Variants in ATXN1 observed in about 807,000 individuals in gnomAD.
ATXN1 encodes ataxin-1.
A neutral mutation model predicts 56.4 loss-of-function variants in ATXN1; 8 were observed. That is an observed-to-expected ratio of 0.14 (90% CI 0.08 to 0.26). ATXN1 has a LOEUF of 0.26. Ranked by LOEUF, ATXN1 falls within the 10% of genes least tolerant of loss-of-function variation. ATXN1 has a pLI of 1.00. For synonymous variants in ATXN1, 514 were observed against 494.6 expected, an observed-to-expected ratio of 1.04 and a Z score of -0.52; for missense variants, 987 against 1,106.5, an observed-to-expected ratio of 0.89 and a Z score of 1.53.
intron 6 of ATXN1, among the ~76,000 whole-genome samples, chr6:16,483,415 G>A (rs1249210771): frequency 6.6e-6 from 1 of 152,172 alleles, no homozygotes; most frequent in Non-Finnish European, 1.5e-5. Flanking sequence ...CCATGGCACA[G>A]GCTTTGGGGC....
chr6:16,441,145 G>A (rs992355644), intron 6 of ATXN1, among the ~76,000 whole-genome samples: 1 of 152,136 alleles, frequency 6.6e-6, no homozygotes, highest in African/African-American at 2.4e-5. Context: ...AGGTGTTACG[G>A]AGCCAGGGCA....
At chr6:16,694,939 G>A (rs574494304) in intron 2 of ATXN1, among the ~76,000 whole-genome samples, 4 of 152,290 alleles carry the variant, frequency 2.6e-5, no homozygotes, top group South Asian at 4.2e-4. Flanking sequence ...TTCAGTAAGT[G>A]ATTTCACTTC....
intron 3 of ATXN1, among the ~76,000 whole-genome samples, chr6:16,594,182 G>A (rs1307554443): frequency 2.0e-5 from 3 of 148,072 alleles, no homozygotes; most frequent in South Asian, 2.1e-4. Context: ...GTCTGTTGAC[G>A]ACCTTTAAAA....
At chr6:16,377,019 A>G (rs1762153673) in intron 6 of ATXN1, among the ~76,000 whole-genome samples, 2 of 152,306 alleles carry the variant, frequency 1.3e-5, no homozygotes, top group African/African-American at 2.4e-5. Context: ...ACTTCCATCA[A>G]TTTACTTTCA....
rs142311437 is a variant in ATXN1, at chr6:16,671,305, C to CT, written c.-614-13405dup. Among the ~76,000 whole-genome samples the CT allele has an allele frequency of 2.6e-3, 188 of 73,466 alleles. 3 individuals carry two copies. The highest frequency in any genetic ancestry group is 0.011 in the African/African-American group (144 of 12,848). The allele number at this position is 73,466 out of a possible 152,430, so 48.2% of individuals were successfully genotyped here. A position where few individuals can be genotyped will look rare whatever the true frequency, so the allele number is the denominator to read the frequency against. On this transcript the variant is annotated intron_variant, in intron 2 of 7. Transcript: ENST00000436367. ...TGTACACAATTGGCACTTTTCTTTT[C>CT]TTTCTTTTTTTTTTTTTTTGCAGTA...
intron 6 of ATXN1, among the ~76,000 whole-genome samples, chr6:16,335,977 C>T (rs1761114475): frequency 6.6e-6 from 1 of 152,222 alleles, no homozygotes; most frequent in Non-Finnish European, 1.5e-5. Flanking sequence ...TTAGAGAATA[C>T]TTTTCTGTTG....
At chr6:16,718,867 T>C (rs180975839) in intron 2 of ATXN1, among the ~76,000 whole-genome samples, 2 of 152,308 alleles carry the variant, frequency 1.3e-5, no homozygotes, top group African/African-American at 4.8e-5. Flanking sequence ...GTTCATAGGT[T>C]TTTACTGGGA....
intron 4 of ATXN1, 108 bp downstream of exon 4, chr6:16,585,672 G>T (rs1367160325): frequency 6.6e-6 from 1 of 152,122 alleles, no homozygotes; most frequent in Non-Finnish European, 1.5e-5. Context: ...TGTGTATGTT[G>T]TGTGTGTATG....
At chr6:16,677,944 A>C (rs1055891203) in intron 2 of ATXN1, among the ~76,000 whole-genome samples, 3 of 152,246 alleles carry the variant, frequency 2.0e-5, no homozygotes, top group African/African-American at 7.2e-5. Context: ...GGTGCACTCG[A>C]ATGAGATTTT....
rs1446625395 is a variant in ATXN1 at position 16,300,425 on chromosome 6, G to A, written c.*5904C>T. Reference sequence around the variant, plus strand: ...AGTTGCCTTCAACGAGAAGGGAGGGGACGAGATTCTGAATTTAAGAATTGT... The same window carrying A: ...AGTTGCCTTCAACGAGAAGGGAGGGAACGAGATTCTGAATTTAAGAATTGT... On this transcript the variant is annotated 3_prime_UTR_variant, in exon 8 of 8. Transcript: ENST00000436367. 6.6e-6 allele frequency: 1 copy of A among 152,290 alleles called. No individual in the cohort carries two copies. The highest frequency in any genetic ancestry group is 1.5e-5 in the Non-Finnish European group (1 of 68,044). The allele number at this position is 152,290 out of a possible 1,614,324, so 9.4% of individuals were successfully genotyped here.
intron 5 of ATXN1, among the ~76,000 whole-genome samples, chr6:16,515,053 C>T (rs980375437): frequency 1.3e-5 from 2 of 151,860 alleles, no homozygotes; most frequent in South Asian, 4.2e-4. Flanking sequence ...CTTCGGTAGC[C>T]ACCTAGGCTC....
chr6:16,369,000 A>C (rs1302224910), intron 6 of ATXN1, among the ~76,000 whole-genome samples: 1 of 152,224 alleles, frequency 6.6e-6, no homozygotes, highest in South Asian at 2.1e-4. Flanking sequence ...CACTCTCTGA[A>C]ACTAATGGAT....
Position 16,390,087 on chromosome 6 carries a change from T to C in ATXN1, c.-160-61617A>G, listed in dbSNP as rs74864976. ...TGTTCAAGGTGACATAAAAAGTATCTGTAATGTCTGGCTAACACGAGCTTC... is the reference window on the plus strand; with the variant it reads ...TGTTCAAGGTGACATAAAAAGTATCCGTAATGTCTGGCTAACACGAGCTTC... On this transcript the variant is annotated intron_variant, in intron 6 of 7. Transcript: ENST00000436367. Among the ~76,000 whole-genome samples, 918 of 152,310 alleles carry C rather than the reference T, an allele frequency of 6.0e-3. 8 individuals are homozygous for C. Among genetic ancestry groups the C allele is most frequent in the African/African-American group, 0.021 (866 of 41,554 alleles).
At chr6:16,696,334 G>A (rs1311863111) in intron 2 of ATXN1, among the ~76,000 whole-genome samples, 3 of 152,206 alleles carry the variant, frequency 2.0e-5, no homozygotes, top group Admixed American at 1.3e-4. Flanking sequence ...GAAGAATTAT[G>A]AGCTTTTGAG....
chr6:16,583,229 G>A (rs1275445702), intron 4 of ATXN1, among the ~76,000 whole-genome samples: 1 of 152,126 alleles, frequency 6.6e-6, no homozygotes, highest in African/African-American at 2.4e-5. Context: ...AGAAATTAGG[G>A]CCAAAACGAA....
At chr6:16,396,078 G>T (rs1373630941) in intron 6 of ATXN1, among the ~76,000 whole-genome samples, 1 of 150,704 alleles carries the variant, frequency 6.6e-6, no homozygotes. Context: ...GGTCCCTCTG[G>T]AGGTGTTCAA....
intron 4 of ATXN1, among the ~76,000 whole-genome samples, chr6:16,577,344 T>C (rs1762442481): frequency 6.6e-6 from 1 of 151,938 alleles, no homozygotes; most frequent in Non-Finnish European, 1.5e-5. Context: ...GCCAACATAG[T>C]GAAACCCCAT....
chr6:16,570,800 T>C (rs1170368216), intron 4 of ATXN1, among the ~76,000 whole-genome samples: 2 of 152,212 alleles, frequency 1.3e-5, no homozygotes, highest in East Asian at 3.8e-4. Flanking sequence ...AGTTAAGATG[T>C]AATTTGAAAT....
In ATXN1 at chr6:16,731,454, CTTTTT is replaced by C. The variant is rs71559655; in HGVS notation, c.-615+21774_-615+21778del. On this transcript the variant is annotated intron_variant, in intron 2 of 7. Coordinates refer to ENST00000436367, the MANE Select transcript of ATXN1 (RefSeq NM_001128164.2). ...ACGAGAGAGGCTTTTTTTTTCTTTT[CTTTTT>C]TTTTTTTTTTTTTTTTTTTTTTTTA... 2.5e-3 allele frequency among the ~76,000 whole-genome samples: 206 copies of C among 81,768 alleles called. 1 individual carries two copies. The highest frequency in any genetic ancestry group is 3.7e-3 in the Non-Finnish European group (147 of 40,266). 53.6% of individuals were successfully genotyped at this position (81,768 alleles called of 152,430 possible).
Sources: allele counts gnomAD v4.1 joint callset (sites outside exome capture counted in the v4.1 genomes callset), GRCh38; gene constraint gnomAD v4.1.1; transcripts MANE v1.5; gene names NCBI Gene and HGNC (gene_info 2026-07-23, HGNC 2026-07-21).